DIP2C: variants seen among roughly 807,000 people sequenced by gnomAD.
The protein encoded by DIP2C is disco-interacting protein 2 homolog C.
Under a neutral mutation model 192.4 loss-of-function variants are expected in DIP2C, and 33 were observed. The observed-to-expected ratio is 0.17, with a 90% CI of 0.13 to 0.23. The LOEUF (loss-of-function observed/expected upper bound fraction) is 0.23. Ranked by LOEUF, DIP2C falls within the 10% of genes least tolerant of loss-of-function variation. The pLI is 1.00. For synonymous variants in DIP2C, 979 were observed against 864.1 expected, an observed-to-expected ratio of 1.13 and a Z score of -2.33; for missense variants, 1,537 against 2,110.1, an observed-to-expected ratio of 0.73 and a Z score of 5.32.
chr10:620,313 G>A (rs149157063), intron 1 of DIP2C, among the ~76,000 whole-genome samples: 7 of 152,172 alleles, frequency 4.6e-5, no homozygotes, highest in South Asian at 2.1e-4. Context: ...TTTGGAAGGC[G>A]CCTTATCATT....
intron 7 of DIP2C, among the ~76,000 whole-genome samples, chr10:414,707 A>ATGTGTGTGTG (rs71199933): frequency 4.6e-4 from 22 of 47,818 alleles, no homozygotes; most frequent in African/African-American, 1.9e-3. Context: ...GTGTGTATGT[A>ATGTGTGTGTG]TGTGTGTGTG....
intron 23 of DIP2C, 48 bp from the exon 24 acceptor site, chr10:356,554 G>A: frequency 6.5e-7 from 1 of 1,545,138 alleles, no homozygotes. Context: ...GTTGGATCAG[G>A]CTGTGCGGGC....
intron 1 of DIP2C, among the ~76,000 whole-genome samples, chr10:534,513 G>A (rs956001634): frequency 9.9e-5 from 15 of 152,104 alleles, no homozygotes; most frequent in Non-Finnish European, 2.1e-4. Flanking sequence ...ATACAACATC[G>A]GTGTTTTGCT....
chr10:581,442 T>C (rs573876487), intron 1 of DIP2C, among the ~76,000 whole-genome samples: 64 of 152,244 alleles, frequency 4.2e-4, no homozygotes, highest in African/African-American at 1.5e-3. Flanking sequence ...AAGGTGCTAA[T>C]CAAAAATGTA....
At chr10:382,589 T>C in intron 17 of DIP2C, 58 bp downstream of exon 17, 1 of 1,374,374 alleles carries the variant, frequency 7.3e-7, no homozygotes. Context: ...TGATCTCCCT[T>C]CGCTGCTGAA....
chr10:520,552 A>C (rs1055194228), intron 1 of DIP2C, among the ~76,000 whole-genome samples: 7 of 152,206 alleles, frequency 4.6e-5, no homozygotes, highest in Non-Finnish European at 1.0e-4. Flanking sequence ...GCTCTCCAGG[A>C]AACATGAACC....
chr10:617,124 C>T (rs1489045738), intron 1 of DIP2C, among the ~76,000 whole-genome samples: 2 of 152,150 alleles, frequency 1.3e-5, no homozygotes, highest in Non-Finnish European at 2.9e-5. Context: ...CCATGCAGAC[C>T]TCCCAGGCAC....
intron 1 of DIP2C, among the ~76,000 whole-genome samples, chr10:543,829 C>A (rs1333253408): frequency 1.3e-5 from 2 of 152,254 alleles, no homozygotes; most frequent in Non-Finnish European, 2.9e-5. Context: ...CAAAGCTGCA[C>A]AACAATCACC....
chr10:345,223 G>C, intron 26 of DIP2C, 113 bp from the exon 27 acceptor site: 2 of 1,066,508 alleles, frequency 1.9e-6, no homozygotes, highest in Non-Finnish European at 1.4e-6. Context: ...GCTTTAACGG[G>C]CAGATGAGGT....
intron 17 of DIP2C, among the ~76,000 whole-genome samples, chr10:377,343 C>T (rs930051427): frequency 6.6e-6 from 1 of 152,134 alleles, no homozygotes; most frequent in African/African-American, 2.4e-5. Context: ...TCCCGCTGCA[C>T]CTCCTTTGCC....
chr10:440,392 A>G (rs1016794907), intron 4 of DIP2C, among the ~76,000 whole-genome samples: 13 of 152,236 alleles, frequency 8.5e-5, no homozygotes, highest in Non-Finnish European at 1.3e-4. Flanking sequence ...TGCAGGAACT[A>G]AAATACTATC....
intron 1 of DIP2C, among the ~76,000 whole-genome samples, chr10:660,012 A>G (rs924133516): frequency 1.3e-5 from 2 of 152,266 alleles, no homozygotes; most frequent in Non-Finnish European, 2.9e-5. Flanking sequence ...CTTTTTGAAA[A>G]TGTACAAAAG....
At chr10:487,736 C>A (rs1588274009) in intron 1 of DIP2C, among the ~76,000 whole-genome samples, 1 of 151,970 alleles carries the variant, frequency 6.6e-6, no homozygotes, top group Non-Finnish European at 1.5e-5. Context: ...GGCCACCACG[C>A]CCGGCTAATT....
At chr10:637,169 A>G (rs1854885178) in intron 1 of DIP2C, among the ~76,000 whole-genome samples, 1 of 152,234 alleles carries the variant, frequency 6.6e-6, no homozygotes, top group Admixed American at 6.5e-5. Flanking sequence ...TCTGACAGAA[A>G]ATTCACAACC....
chr10:470,770 G>C (rs1184815442), intron 3 of DIP2C, among the ~76,000 whole-genome samples: 1 of 152,226 alleles, frequency 6.6e-6, no homozygotes, highest in Non-Finnish European at 1.5e-5. Context: ...GCATCCTCCT[G>C]CGAGGAGCGA....
At chr10:316,943 C>T (rs1333729115) in intron 31 of DIP2C, among the ~76,000 whole-genome samples, 1 of 152,190 alleles carries the variant, frequency 6.6e-6, no homozygotes, top group East Asian at 1.9e-4. Flanking sequence ...AATTCATCTA[C>T]ATTTGAGTCT....
Position 288,429 on chromosome 10 carries a change from CAG to C in DIP2C, c.3987-10_3987-9del, listed in dbSNP as rs764256106. 6 of 1,613,714 alleles carry C rather than the reference CAG, an allele frequency of 3.7e-6. No homozygotes were observed. The highest frequency in any genetic ancestry group is 1.7e-5 in the Admixed American group (1 of 59,964). On this transcript the variant is annotated splice_polypyrimidine_tract_variant and intron_variant, in intron 32 of 36. Transcript: ENST00000280886. ...CTTTCCACTAAGCGGACTCTGCAAA[CAG>C]AAAGAGAAAATATTCCTAGATGTGT...
intron 3 of DIP2C, among the ~76,000 whole-genome samples, chr10:451,853 C>T (rs556291311): frequency 9.9e-5 from 15 of 152,252 alleles, no homozygotes; most frequent in African/African-American, 2.9e-4. Context: ...TGAAGAAATG[C>T]GGGTTTTTTT....
intron 35 of DIP2C, among the ~76,000 whole-genome samples, chr10:281,818 T>C (rs1048245301): frequency 2.0e-4 from 31 of 152,234 alleles, no homozygotes; most frequent in African/African-American, 7.5e-4. Context: ...AGCATAGCTC[T>C]TGCTCTTGTT....
Sources: allele counts gnomAD v4.1 joint callset (sites outside exome capture counted in the v4.1 genomes callset), GRCh38; gene constraint gnomAD v4.1.1; transcripts MANE v1.5; gene names NCBI Gene and HGNC (gene_info 2026-07-23, HGNC 2026-07-21).